Variants in EPHB1 observed in about 807,000 individuals in gnomAD.
The protein encoded by EPHB1 is ephrin type-B receptor 1.
A neutral mutation model predicts 94.4 loss-of-function variants in EPHB1; 30 were observed. The ratio of observed to expected loss-of-function variants is 0.32; its 90% CI spans 0.24 to 0.43. The LOEUF is 0.43. Ranked by LOEUF, EPHB1 falls within the 20% of genes least tolerant of loss-of-function variation. EPHB1 has a pLI of 1.00. For synonymous variants in EPHB1, 522 were observed against 489.1 expected, an observed-to-expected ratio of 1.07 and a Z score of -0.89; for missense variants, 1,055 against 1,308.3, an observed-to-expected ratio of 0.81 and a Z score of 2.99.
At chr3:134,821,550 T>C (rs1040153552) in intron 1 of EPHB1, among the ~76,000 whole-genome samples, 2 of 151,558 alleles carry the variant, frequency 1.3e-5, no homozygotes, top group Non-Finnish European at 1.5e-5. Context: ...GAATTAGTGG[T>C]GAAAAAAGGA....
intron 4 of EPHB1, among the ~76,000 whole-genome samples, chr3:135,126,717 C>G (rs1489337664): frequency 6.6e-6 from 1 of 152,180 alleles, no homozygotes; most frequent in Non-Finnish European, 1.5e-5. Flanking sequence ...TTGCACTGGT[C>G]ATGTCTTTTC....
At position 134,938,183 on chromosome 3, in the gene EPHB1, G is replaced by T. The variant is rs145694474; in HGVS notation, c.123+12303G>T. On this transcript the variant is annotated intron_variant, in intron 2 of 15. Transcript: ENST00000398015. ...TCAGAAGGATGAATTTGTCACTGTT[G>T]CAGTGTCAACAGCAGCAGCAGCTGT... is the stretch of plus-strand genomic sequence containing the variant. Among the ~76,000 whole-genome samples the T allele has an allele frequency of 2.6e-5, 4 of 152,272 alleles. No homozygotes were observed. The East Asian group carries it at 7.7e-4, about 29-fold the overall frequency.
chr3:135,053,007 ATATATATGTG>A lies in EPHB1; in HGVS notation c.806-53439_806-53430del, dbSNP rs1559811025. On this transcript the variant is annotated intron_variant, in intron 3 of 15. Coordinates refer to ENST00000398015, the MANE Select transcript of EPHB1 (RefSeq NM_004441.5). ...TGTGTGTGTATATATATGTGTGTGT[ATATATATGTG>A]TGTGTGTGTGTATATATATATATAT... is the stretch of plus-strand genomic sequence containing the variant. Among the ~76,000 whole-genome samples the A allele has an allele frequency of 3.0e-3, 103 of 33,910 alleles. 1 individual carries two copies. The highest frequency in any genetic ancestry group is 0.014 in the African/African-American group (101 of 7,282). The allele number at this position is 33,910 out of a possible 152,430, so 22.2% of individuals were successfully genotyped here. A position where few individuals can be genotyped will look rare whatever the true frequency, so the allele number is the denominator to read the frequency against.
intron 3 of EPHB1, among the ~76,000 whole-genome samples, chr3:134,984,299 C>T (rs1281504532): frequency 6.6e-6 from 1 of 152,106 alleles, no homozygotes; most frequent in African/African-American, 2.4e-5. Context: ...GCAGCTCGGC[C>T]GTCTTCCCTC....
At chr3:135,104,844 C>T (rs973045671) in intron 3 of EPHB1, among the ~76,000 whole-genome samples, 1 of 152,334 alleles carries the variant, frequency 6.6e-6, no homozygotes, top group Admixed American at 6.5e-5. Flanking sequence ...AAACTGAAAC[C>T]TTTTCCTCAC....
intron 1 of EPHB1, among the ~76,000 whole-genome samples, chr3:134,804,470 C>T (rs2035998098): frequency 6.6e-6 from 1 of 152,046 alleles, no homozygotes; most frequent in African/African-American, 2.4e-5. Flanking sequence ...TAATCCATAT[C>T]AATGTCCATC....
intron 2 of EPHB1, among the ~76,000 whole-genome samples, chr3:134,949,176 C>G (rs957689869): frequency 6.6e-6 from 1 of 152,068 alleles, no homozygotes; most frequent in Non-Finnish European, 1.5e-5. Flanking sequence ...CTGTGTGTCC[C>G]GGAACTGCTG....
intron 12 of EPHB1, among the ~76,000 whole-genome samples, chr3:135,219,376 T>C (rs188179184): frequency 2.0e-5 from 3 of 152,066 alleles, no homozygotes; most frequent in East Asian, 1.9e-4. Context: ...TAGGATTAAG[T>C]CTAAGTCCAA....
chr3:134,974,282 T>G (rs1934098458), intron 3 of EPHB1, among the ~76,000 whole-genome samples: 1 of 152,042 alleles, frequency 6.6e-6, no homozygotes. Context: ...CAAACCCAGT[T>G]TGTTTAAGAG....
At position 135,161,889 on chromosome 3, in the gene EPHB1, A is replaced by C. The variant is rs1941516841; in HGVS notation, c.1423-129A>C. The C allele has an allele frequency of 6.1e-6, 6 of 986,416 alleles. No individual in the cohort carries two copies. In the South Asian group the frequency reaches 9.4e-5, roughly 15 times the overall value. The allele number at this position is 986,416 out of a possible 1,614,324, so 61.1% of individuals were successfully genotyped here. Reference sequence around the variant, plus strand: ...GTCCCCATCCAGAGGGATGGCCTGGAGCTGATGACAACTGCTAGCAGATAT... The same window carrying C: ...GTCCCCATCCAGAGGGATGGCCTGGCGCTGATGACAACTGCTAGCAGATAT... On this transcript the variant is annotated intron_variant, in intron 6 of 15. Coordinates refer to ENST00000398015, the MANE Select transcript of EPHB1 (RefSeq NM_004441.5).
intron 3 of EPHB1, among the ~76,000 whole-genome samples, chr3:135,000,390 G>GA (rs911081988): frequency 1.3e-5 from 2 of 152,094 alleles, no homozygotes; most frequent in African/African-American, 2.4e-5. Flanking sequence ...CTTTAAGAGG[G>GA]AAAAAAATCA....
At chr3:135,031,307 C>A (rs1250656045) in intron 3 of EPHB1, among the ~76,000 whole-genome samples, 1 of 152,040 alleles carries the variant, frequency 6.6e-6, no homozygotes. Context: ...CTCTTTCTCC[C>A]TTTCTCTCTT....
intron 1 of EPHB1, among the ~76,000 whole-genome samples, chr3:134,889,743 T>C (rs532285105): frequency 6.6e-6 from 1 of 152,020 alleles, no homozygotes; most frequent in East Asian, 1.9e-4. Flanking sequence ...ACTGGCGCGA[T>C]CTCCGCTTGC....
chr3:135,242,677 A>G (rs538557337), intron 13 of EPHB1, among the ~76,000 whole-genome samples: 1 of 152,310 alleles, frequency 6.6e-6, no homozygotes, highest in African/African-American at 2.4e-5. Flanking sequence ...CCTGAAGCAC[A>G]TCAAATCAGT....
At chr3:135,004,379 G>A (rs1336376057) in intron 3 of EPHB1, among the ~76,000 whole-genome samples, 1 of 151,740 alleles carries the variant, frequency 6.6e-6, no homozygotes, top group East Asian at 1.9e-4. Context: ...TTTCTCTCTG[G>A]CTGCCCTTAA....
At chr3:134,934,588 A>T (rs1460600287) in intron 2 of EPHB1, among the ~76,000 whole-genome samples, 1 of 152,194 alleles carries the variant, frequency 6.6e-6, no homozygotes, top group Non-Finnish European at 1.5e-5. Flanking sequence ...ATTTAACAGA[A>T]AGGTGAATAG....
chr3:135,109,987 T>C (rs1011212342), intron 4 of EPHB1, among the ~76,000 whole-genome samples: 4 of 152,180 alleles, frequency 2.6e-5, no homozygotes, highest in African/African-American at 9.7e-5. Flanking sequence ...TGAACAGCAA[T>C]GTGAAACCCC....
chr3:134,965,751 G>A (rs1446050486), intron 3 of EPHB1, among the ~76,000 whole-genome samples: 1 of 150,556 alleles, frequency 6.6e-6, no homozygotes, highest in African/African-American at 2.4e-5. Context: ...CAGCCCTCCC[G>A]CCCCCACCTC....
intron 1 of EPHB1, 22 bp from the exon 2 acceptor site, chr3:134,925,794 G>A (rs635721): frequency 1.1e-5 from 17 of 1,557,948 alleles, no homozygotes; most frequent in East Asian, 7.1e-5. Flanking sequence ...TTGTTTATTC[G>A]TTTTTTCTTT....
Sources: allele counts gnomAD v4.1 joint callset (sites outside exome capture counted in the v4.1 genomes callset), GRCh38; gene constraint gnomAD v4.1.1; transcripts MANE v1.5; gene names NCBI Gene and HGNC (gene_info 2026-07-23, HGNC 2026-07-21).